The following DDAH1 variants were observed in gnomAD, a reference collection of about 807,000 sequenced individuals.
The protein encoded by DDAH1 is dimethylarginine dimethylaminohydrolase 1, also known as N(G),N(G)-dimethylarginine dimethylaminohydrolase 1.
Under a neutral mutation model 28.8 loss-of-function variants are expected in DDAH1, and 19 were observed. That is an observed-to-expected ratio of 0.66 (90% CI 0.46 to 0.97). The LOEUF (loss-of-function observed/expected upper bound fraction) is 0.97. Ranked by LOEUF, DDAH1 falls within the 50% of genes least tolerant of loss-of-function variation. The pLI is 0.00. For synonymous variants in DDAH1, 153 were observed against 154.4 expected (o/e 0.99, Z 0.07); for missense variants, 326 against 375.9 (o/e 0.87, Z 1.10).
At chr1:85,516,183 T>C (rs575664233) in intron 1 of DDAH1, among the ~76,000 whole-genome samples, 16 of 151,980 alleles carry the variant, frequency 1.1e-4, no homozygotes, top group African/African-American at 3.6e-4. Flanking sequence ...AATTTCAACA[T>C]ATGAATTTGC....
At position 85,574,872 on chromosome 1, in the gene DDAH1, C is replaced by A. The variant is rs1209205477; in HGVS notation, c.-123+3112G>T. Among the ~76,000 whole-genome samples, 4 of 151,802 alleles carry A rather than the reference C, an allele frequency of 2.6e-5. No homozygotes were observed. The East Asian group carries it at 5.8e-4, about 22-fold the overall frequency. On this transcript the variant is annotated intron_variant, in intron 1 of 6. Transcript: ENST00000426972. ...ACCAGCCTGGCCAACATGGTGAAAA[C>A]CCATCTCTCTCTCTCTCTCTATATA...
intron 1 of DDAH1, chr1:85,376,751 T>G (rs1485577839): frequency 1.3e-5 from 2 of 151,800 alleles, no homozygotes; most frequent in Admixed American, 1.3e-4. Context: ...AAGTGTTTTT[T>G]TTTTTTTCCT....
intron 1 of DDAH1, among the ~76,000 whole-genome samples, chr1:85,503,376 T>C (rs1484513104): frequency 6.6e-6 from 1 of 152,140 alleles, no homozygotes; most frequent in African/African-American, 2.4e-5. Context: ...ATTTTTTGTA[T>C]TTTTAGTAGA....
At chr1:85,458,467 T>C (rs1367329241) in intron 1 of DDAH1, among the ~76,000 whole-genome samples, 4 of 148,518 alleles carry the variant, frequency 2.7e-5, no homozygotes, top group Non-Finnish European at 5.9e-5. Flanking sequence ...TCTTGCTCTG[T>C]TGCTAGGCTG....
At chr1:85,435,721 C>G (rs758178662) in intron 1 of DDAH1, among the ~76,000 whole-genome samples, 1 of 152,114 alleles carries the variant, frequency 6.6e-6, no homozygotes, top group Non-Finnish European at 1.5e-5. Flanking sequence ...GGGAGTTAGC[C>G]TAGAACAGAA....
chr1:85,463,486 C>T (rs747340961), intron 1 of DDAH1, among the ~76,000 whole-genome samples: 4 of 152,320 alleles, frequency 2.6e-5, no homozygotes, highest in Admixed American at 2.6e-4. Context: ...GGACATCTCA[C>T]AGACTCAAAG....
intron 2 of DDAH1, among the ~76,000 whole-genome samples, chr1:85,487,467 T>C (rs960888562): frequency 6.6e-6 from 1 of 152,262 alleles, no homozygotes; most frequent in Admixed American, 6.5e-5. Flanking sequence ...TGTAAACTTC[T>C]GCTTTAGTTA....
At chr1:85,572,323 T>C (rs1228547547) in intron 1 of DDAH1, among the ~76,000 whole-genome samples, 1 of 152,076 alleles carries the variant, frequency 6.6e-6, no homozygotes, top group Non-Finnish European at 1.5e-5. Flanking sequence ...AAGTGACAGA[T>C]TCACAGTCAG....
At chr1:85,369,181 C>T (rs1013985139) in intron 1 of DDAH1, among the ~76,000 whole-genome samples, 44 of 151,334 alleles carry the variant, frequency 2.9e-4, no homozygotes, top group African/African-American at 1.0e-3. Flanking sequence ...CCACCTCAGC[C>T]TCCTGAGTAG....
chr1:85,321,065 G>GAA lies in DDAH1; in HGVS notation c.*385_*386dup, dbSNP rs550307646. The GAA allele has an allele frequency of 1.8e-3, 134 of 73,216 alleles. 1 individual carries two copies. The highest frequency in any genetic ancestry group is 9.6e-3 in the South Asian group (21 of 2,190). The allele number at this position is 73,216 out of a possible 1,614,324, so 4.5% of individuals were successfully genotyped here. ...TTCACAGGAACCAAACATGATTCATGAAAAAAAAAAAAAAAAAAAGCAAGC... is the reference window on the plus strand; with the variant it reads ...TTCACAGGAACCAAACATGATTCATGAAAAAAAAAAAAAAAAAAAAAGCAAGC... On this transcript the variant is annotated 3_prime_UTR_variant, in exon 6 of 6. Transcript: ENST00000284031.
intron 2 of DDAH1, among the ~76,000 whole-genome samples, chr1:85,474,354 C>T (rs987106679): frequency 4.6e-5 from 7 of 152,202 alleles, no homozygotes; most frequent in Non-Finnish European, 1.0e-4. Flanking sequence ...AGAATGAAGT[C>T]CACATGTTTT....
chr1:85,454,482 A>G (rs1654798216), intron 1 of DDAH1, among the ~76,000 whole-genome samples: 1 of 152,328 alleles, frequency 6.6e-6, no homozygotes, highest in East Asian at 1.9e-4. Flanking sequence ...GGCCAACAGG[A>G]ATGGCCCTGC....
intron 2 of DDAH1, among the ~76,000 whole-genome samples, chr1:85,479,793 C>T (rs1655943154): frequency 6.6e-6 from 1 of 152,160 alleles, no homozygotes; most frequent in African/African-American, 2.4e-5. Context: ...AATGGTGCTT[C>T]CAGCTTCCAT....
At position 85,422,072 on chromosome 1, in the gene DDAH1, A is replaced by G. The variant is rs531211753; in HGVS notation, c.303+42671T>C. Among the ~76,000 whole-genome samples the G allele has an allele frequency of 4.8e-5, 7 of 146,386 alleles. No individual in the cohort carries two copies. The South Asian group carries it at 1.5e-3, about 31-fold the overall frequency. Reference sequence around the variant, plus strand: ...TATTGTTCTGTATCCTTGCCAAGCGATTGATATTGTCAGTTTTTTAAAATT... The same window carrying G: ...TATTGTTCTGTATCCTTGCCAAGCGGTTGATATTGTCAGTTTTTTAAAATT... On this transcript the variant is annotated intron_variant, in intron 1 of 5. Coordinates refer to ENST00000284031, the MANE Select transcript of DDAH1 (RefSeq NM_012137.4).
chr1:85,361,899 T>C (rs1222006977), intron 1 of DDAH1, among the ~76,000 whole-genome samples: 1 of 152,202 alleles, frequency 6.6e-6, no homozygotes, highest in Non-Finnish European at 1.5e-5. Flanking sequence ...CTTTTTAGGC[T>C]CCTTCTGGTC....
intron 1 of DDAH1, among the ~76,000 whole-genome samples, chr1:85,524,003 G>A (rs1657777411): frequency 2.0e-5 from 3 of 151,514 alleles, no homozygotes; most frequent in Non-Finnish European, 4.4e-5. Context: ...ACTGATGTCA[G>A]GCATGAGGAT....
At chr1:85,437,550 T>C (rs1354281368) in intron 1 of DDAH1, among the ~76,000 whole-genome samples, 4 of 152,168 alleles carry the variant, frequency 2.6e-5, no homozygotes. Context: ...CTTAATAACA[T>C]TTTCTTTCTC....
chr1:85,350,947 C>T (rs1490788246), intron 3 of DDAH1, among the ~76,000 whole-genome samples: 4 of 151,940 alleles, frequency 2.6e-5, no homozygotes, highest in Admixed American at 6.6e-5. Context: ...AGAGGATGTA[C>T]GTGCAACACC....
chr1:85,539,519 TC>T lies in DDAH1; in HGVS notation c.-123+38464del, dbSNP rs1259608406. The stretch of plus-strand genomic sequence containing the variant: ...TTCAGTGTTTCCCAGATCAAACATA[TC>T]CATTTCCTTCCACAATTGTTTCTTT... On this transcript the variant is annotated intron_variant, in intron 1 of 6. Transcript: ENST00000426972. 1.3e-5 allele frequency among the ~76,000 whole-genome samples: 2 copies of T among 151,954 alleles called. 1 individual carries two copies. Among genetic ancestry groups the T allele is most frequent in the Non-Finnish European group, 2.9e-5 (2 of 67,974 alleles).
Sources: allele counts gnomAD v4.1 joint callset (sites outside exome capture counted in the v4.1 genomes callset), GRCh38; gene constraint gnomAD v4.1.1; transcripts MANE v1.5; gene names NCBI Gene and HGNC (gene_info 2026-07-23, HGNC 2026-07-21).